Variants in SLC25A17 observed in about 807,000 individuals in gnomAD.
SLC25A17 encodes peroxisomal membrane protein PMP34.
SLC25A17 carries 26 observed loss-of-function variants against 38.5 expected under a neutral mutation model. The observed-to-expected ratio is 0.68, with a 90% CI of 0.50 to 0.94. The LOEUF (loss-of-function observed/expected upper bound fraction) is 0.94. Among genes scored for constraint, SLC25A17 ranks in the 40% least tolerant of loss-of-function variants. SLC25A17 has a pLI of 0.00. For synonymous variants in SLC25A17, 139 were observed against 136.2 expected, an observed-to-expected ratio of 1.02 and a Z score of -0.14; for missense variants, 333 against 372.7, an observed-to-expected ratio of 0.89 and a Z score of 0.88.
intron 1 of SLC25A17, among the ~76,000 whole-genome samples, chr22:40,805,635 A>T (rs1445539439): frequency 1.3e-5 from 2 of 152,162 alleles, no homozygotes; most frequent in African/African-American, 4.8e-5. Context: ...AGCTTAAAAA[A>T]AGTTCTGTGC....
chr22:40,805,906 C>T (rs558664885), intron 1 of SLC25A17, among the ~76,000 whole-genome samples: 14 of 152,300 alleles, frequency 9.2e-5, no homozygotes, highest in Non-Finnish European at 1.6e-4. Context: ...ATTACTATTA[C>T]GCAAATTGTG....
chr22:40,774,581 G>A (rs1191180762), intron 7 of SLC25A17, among the ~76,000 whole-genome samples: 1 of 152,084 alleles, frequency 6.6e-6, no homozygotes, highest in Non-Finnish European at 1.5e-5. Flanking sequence ...GAGAGGTATA[G>A]GGAAAATTCT....
intron 7 of SLC25A17, among the ~76,000 whole-genome samples, chr22:40,775,107 A>C (rs897475595): frequency 1.6e-4 from 24 of 152,152 alleles, no homozygotes; most frequent in Non-Finnish European, 3.2e-4. Context: ...CACAGCACAT[A>C]TTCCCCAGCT....
At chr22:40,793,453 T>G (rs2057400811) in intron 3 of SLC25A17, among the ~76,000 whole-genome samples, 1 of 152,104 alleles carries the variant, frequency 6.6e-6, no homozygotes, top group Non-Finnish European at 1.5e-5. Flanking sequence ...ATTTAAGAAA[T>G]CATAATTAGC....
rs57313774 is a variant in SLC25A17 at position 40,782,221 on chromosome 22, AAAC to A, written c.335-3099_335-3097del. ...GGTGTCAGAGCGAGACCCCATCTCA[AAAC>A]AACAACAACAACAACAACAACAACA... On this transcript the variant is annotated intron_variant, in intron 4 of 8. Transcript: ENST00000435456. 1.5e-3 allele frequency among the ~76,000 whole-genome samples: 231 copies of A among 149,998 alleles called. 2 individuals carry two copies. Among genetic ancestry groups the A allele is most frequent in the Middle Eastern group, 0.01 (3 of 292 alleles).
intron 1 of SLC25A17, among the ~76,000 whole-genome samples, chr22:40,817,973 C>G (rs2057659657): frequency 6.6e-6 from 1 of 152,204 alleles, no homozygotes; most frequent in African/African-American, 2.4e-5. Flanking sequence ...TAGGCATTTT[C>G]ATGAAATGCT....
chr22:40,781,134 G>C lies in SLC25A17; in HGVS notation c.335-2009C>G, dbSNP rs569609814. Among the ~76,000 whole-genome samples the C allele has an allele frequency of 2.0e-4, 31 of 152,070 alleles. No individual in the cohort carries two copies. The South Asian group carries it at 6.0e-3, about 30-fold the overall frequency. On this transcript the variant is annotated intron_variant, in intron 4 of 8. Transcript: ENST00000435456. ...TGCAGTGAGCTGTGATCATGCCACT[G>C]CACTCCAGAGCTGGGCAACAGAGTG... is the stretch of plus-strand genomic sequence containing the variant.
At chr22:40,812,532 A>G (rs2057593215) in intron 1 of SLC25A17, among the ~76,000 whole-genome samples, 1 of 152,182 alleles carries the variant, frequency 6.6e-6, no homozygotes, top group South Asian at 2.1e-4. Context: ...ACCAAATGTG[A>G]CTGACTGTTT....
intron 3 of SLC25A17, among the ~76,000 whole-genome samples, chr22:40,794,275 C>T (rs1161139951): frequency 6.6e-6 from 1 of 151,906 alleles, no homozygotes; most frequent in East Asian, 1.9e-4. Flanking sequence ...TGGAAGACTC[C>T]ATGATCAAGA....
intron 3 of SLC25A17, among the ~76,000 whole-genome samples, 198 bp from the exon 4 acceptor site, chr22:40,792,874 A>G (rs566558577): frequency 6.6e-6 from 1 of 152,350 alleles, no homozygotes; most frequent in African/African-American, 2.4e-5. Context: ...CACTAATGAT[A>G]CCAAAGAAAC....
chr22:40,803,814 G>GT (rs1220151375), intron 1 of SLC25A17, among the ~76,000 whole-genome samples: 9 of 144,372 alleles, frequency 6.2e-5, no homozygotes, highest in African/African-American at 1.3e-4. Context: ...GCATTTGCTA[G>GT]TTTTTGTTTT....
chr22:40,796,321 T>C (rs1183833743), intron 2 of SLC25A17, among the ~76,000 whole-genome samples: 2 of 152,088 alleles, frequency 1.3e-5, no homozygotes, highest in Non-Finnish European at 2.9e-5. Flanking sequence ...GCTTGTGGGA[T>C]GGCAAACTGG....
chr22:40,800,805 A>T lies in SLC25A17; in HGVS notation c.55-1722T>A, dbSNP rs6002148. On this transcript the variant is annotated intron_variant, in intron 1 of 8. Coordinates refer to ENST00000435456, the MANE Select transcript of SLC25A17 (RefSeq NM_006358.4). ...AGTCTGCCTCAAAAAAAAAAAAAAA[A>T]ATTTTGAATAAAGGCCAGGCATGAT... Among the ~76,000 whole-genome samples the T allele has an allele frequency of 3.5e-3, 526 of 151,066 alleles. 3 individuals carry two copies. Among genetic ancestry groups the T allele is most frequent in the African/African-American group, 0.012 (506 of 41,184 alleles).
intron 1 of SLC25A17, among the ~76,000 whole-genome samples, chr22:40,810,757 T>A (rs924243464): frequency 1.3e-5 from 2 of 152,218 alleles, no homozygotes; most frequent in Non-Finnish European, 2.9e-5. Flanking sequence ...CCTCTCTATT[T>A]TATCCAATCT....
intron 1 of SLC25A17, among the ~76,000 whole-genome samples, chr22:40,814,923 C>A (rs201710446): frequency 6.6e-6 from 1 of 151,714 alleles, no homozygotes; most frequent in Non-Finnish European, 1.5e-5. Flanking sequence ...GGGTTCATGC[C>A]GTTCTCCTGC....
chr22:40,796,413 T>G (rs1364755184), intron 2 of SLC25A17, among the ~76,000 whole-genome samples: 1 of 150,086 alleles, frequency 6.7e-6, no homozygotes, highest in East Asian at 2.0e-4. Context: ...CTGAGGTGGG[T>G]GGATCACCTG....
At chr22:40,816,198 CAA>C (rs566246442) in intron 1 of SLC25A17, among the ~76,000 whole-genome samples, 9 of 81,864 alleles carry the variant, frequency 1.1e-4, no homozygotes, top group African/African-American at 4.1e-5. Flanking sequence ...AACTCCATCT[CAA>C]AAAAAAAAAA....
At chr22:40,807,011 C>A (rs911736895) in intron 1 of SLC25A17, among the ~76,000 whole-genome samples, 1 of 152,176 alleles carries the variant, frequency 6.6e-6, no homozygotes, top group Non-Finnish European at 1.5e-5. Flanking sequence ...TGCCACCATG[C>A]CCGGCCATGG....
chr22:40,796,796 C>G (rs2057434739), intron 2 of SLC25A17, among the ~76,000 whole-genome samples: 2 of 152,016 alleles, frequency 1.3e-5, no homozygotes, highest in Admixed American at 1.3e-4. Flanking sequence ...GGAAACAACC[C>G]CAGAATCTAC....
Sources: gnomAD v4.1 joint callset for allele counts (sites outside exome capture counted in the v4.1 genomes callset) on GRCh38, gnomAD v4.1.1 for gene constraint, MANE v1.5 for transcripts, NCBI Gene and HGNC (gene_info 2026-07-23, HGNC 2026-07-21) for gene names.